GRK7: variants seen among roughly 807,000 people sequenced by gnomAD.
The protein encoded by GRK7 is rhodopsin kinase GRK7.
GRK7 carries 24 observed loss-of-function variants against 34.1 expected under a neutral mutation model. The ratio of observed to expected loss-of-function variants is 0.70; its 90% CI spans 0.51 to 0.99. GRK7 has a LOEUF of 0.99. Ranked by LOEUF, GRK7 falls within the 50% of genes least tolerant of loss-of-function variation. The pLI, the probability that GRK7 is intolerant of heterozygous loss-of-function variation, is 0.00. For missense variants in GRK7, 644 were observed against 707.3 expected (o/e 0.91, Z 1.02); for synonymous variants, 256 against 279.4 (o/e 0.92, Z 0.84).
chr3:141,791,168 C>T (rs1460825732), intron 4 of GRK7, among the ~76,000 whole-genome samples: 3 of 152,186 alleles, frequency 2.0e-5, no homozygotes, highest in African/African-American at 4.8e-5. Context: ...CTTGAAGTCT[C>T]TGACCAACTC....
Position 141,780,782 on chromosome 3 carries a change from A to T in GRK7, c.1021A>T (p.Met341Leu). 1.2e-6 allele frequency: 2 copies of T among 1,613,972 alleles called. No homozygotes were observed. Among genetic ancestry groups the T allele is most frequent in the Non-Finnish European group, 1.7e-6 (2 of 1,179,942 alleles). The change falls in exon 4 of 6, where the codon ATG becomes TTG. Residue 341 changes from methionine to leucine, a missense_variant. Transcript: ENST00000682958. ...RLSDLGLAVE[M>L]KGGKPITQRA... ...ATCTGACCTGGGGCTGGCCGTGGAG[A>T]TGAAGGGTGGCAAGCCCATCACCCA...
intron 4 of GRK7, among the ~76,000 whole-genome samples, chr3:141,798,063 G>A (rs1335765271): frequency 6.6e-6 from 1 of 152,166 alleles, no homozygotes; most frequent in Non-Finnish European, 1.5e-5. Flanking sequence ...CTGCCAGTTC[G>A]GTTCAGAGTG....
intron 4 of GRK7, among the ~76,000 whole-genome samples, chr3:141,784,013 G>C (rs999710898): frequency 3.3e-5 from 5 of 152,174 alleles, no homozygotes; most frequent in African/African-American, 1.2e-4. Context: ...TGCTGAGCAG[G>C]AGCGTTCCTT....
At chr3:141,814,381 C>G (rs772394706) in intron 5 of GRK7, among the ~76,000 whole-genome samples, 1 of 152,162 alleles carries the variant, frequency 6.6e-6, no homozygotes, top group Non-Finnish European at 1.5e-5. Context: ...GCCACACCCC[C>G]AAAACATCTA....
upstream of GRK7, among the ~76,000 whole-genome samples, chr3:141,762,927 G>T (rs1321241339): frequency 6.6e-6 from 1 of 152,218 alleles, no homozygotes; most frequent in East Asian, 1.9e-4. Flanking sequence ...GACTTGGAAA[G>T]GGAACTCCCT....
intron 4 of GRK7, among the ~76,000 whole-genome samples, chr3:141,785,464 AT>A (rs1468658054): frequency 2.0e-5 from 3 of 151,714 alleles, no homozygotes; most frequent in African/African-American, 4.9e-5. Flanking sequence ...CTTAAAAAAA[AT>A]TTTTTTGTTT....
At position 141,788,321 on chromosome 3, in the gene GRK7, G is replaced by C. The variant is rs530106989; in HGVS notation, c.1050+7510G>C. ...GATTCTGACACTATCTAAAATGAAA[G>C]AGAAAGAGACTAGAGCTGGGGAGAA... On this transcript the variant is annotated intron_variant, in intron 4 of 5. Coordinates refer to ENST00000682958, the MANE Select transcript of GRK7 (RefSeq NM_139209.3). Among the ~76,000 whole-genome samples the C allele has an allele frequency of 9.9e-5, 15 of 152,278 alleles. 1 individual carries two copies. The highest frequency in any genetic ancestry group is 3.6e-4 in the African/African-American group (15 of 41,546).
In GRK7 at chr3:141,799,018, T is replaced by C. The variant is rs527377533; in HGVS notation, c.1051-8627T>C. 3.9e-5 allele frequency among the ~76,000 whole-genome samples: 6 copies of C among 152,342 alleles called. No individual in the cohort carries two copies. The South Asian group carries it at 1.2e-3, about 32-fold the overall frequency. ...AGATGGCAGGCCAATTCTTTACTTA[T>C]TTCCTTGGGGAGGTGGTTGCAGAGC... On this transcript the variant is annotated intron_variant, in intron 4 of 5. Coordinates refer to ENST00000682958, the MANE Select transcript of GRK7 (RefSeq NM_139209.3).
intron 4 of GRK7, among the ~76,000 whole-genome samples, chr3:141,799,351 G>T (rs539509758): frequency 6.6e-6 from 1 of 152,294 alleles, no homozygotes; most frequent in East Asian, 1.9e-4. Context: ...GGTGGGTCAC[G>T]CCTGTAATCC....
intron 4 of GRK7, among the ~76,000 whole-genome samples, chr3:141,791,360 T>G (rs2084723270): frequency 6.7e-6 from 1 of 148,432 alleles, no homozygotes; most frequent in African/African-American, 2.5e-5. Context: ...TGCCCCCCAG[T>G]TTTTTTTTTC....
At chr3:141,805,851 T>C (rs1711030772) in intron 4 of GRK7, among the ~76,000 whole-genome samples, 2 of 152,190 alleles carry the variant, frequency 1.3e-5, no homozygotes, top group South Asian at 4.1e-4. Flanking sequence ...CAGGCTAGAG[T>C]GCTGTGGCTC....
intron 4 of GRK7, among the ~76,000 whole-genome samples, chr3:141,801,915 T>C (rs992970214): frequency 4.6e-5 from 7 of 152,102 alleles, no homozygotes; most frequent in African/African-American, 1.2e-4. Flanking sequence ...AATAGAAGAA[T>C]TGGGGAAAAA....
intron 4 of GRK7, among the ~76,000 whole-genome samples, chr3:141,787,137 T>G (rs1041879553): frequency 1.3e-5 from 2 of 152,180 alleles, no homozygotes; most frequent in Admixed American, 1.3e-4. Context: ...TCCATTTTAT[T>G]AGCCTTGTGA....
At chr3:141,810,633 T>C (rs1186082117) in intron 5 of GRK7, among the ~76,000 whole-genome samples, 1 of 152,086 alleles carries the variant, frequency 6.6e-6, no homozygotes, top group African/African-American at 2.4e-5. Context: ...TCTTCTGCCT[T>C]GGCCTCCCGA....
chr3:141,760,061 G>A (rs1270656814), upstream of GRK7, among the ~76,000 whole-genome samples: 6 of 145,528 alleles, frequency 4.1e-5, no homozygotes, highest in Non-Finnish European at 7.5e-5. Context: ...TTCTTTATTA[G>A]TCTTGCTAGC....
chr3:141,793,877 A>G (rs2677434), intron 4 of GRK7, among the ~76,000 whole-genome samples: 123,298 of 152,130 alleles, frequency 0.81, 50,687 homozygotes, highest in African/African-American at 0.96. Context: ...AACCAGCCAT[A>G]GGGTTTGGAT....
chr3:141,788,567 G>C (rs980287988), intron 4 of GRK7, among the ~76,000 whole-genome samples: 1 of 152,170 alleles, frequency 6.6e-6, no homozygotes, highest in Non-Finnish European at 1.5e-5. Flanking sequence ...GCCCCGTGGG[G>C]TCTTCTGGCA....
chr3:141,804,988 A>G (rs560269850), intron 4 of GRK7, among the ~76,000 whole-genome samples: 2 of 151,346 alleles, frequency 1.3e-5, no homozygotes, highest in East Asian at 3.9e-4. Flanking sequence ...ACCCACTCGC[A>G]CACACACATA....
the GRK7 span, among the ~76,000 whole-genome samples, chr3:141,753,223 G>C: frequency 6.6e-6 from 1 of 152,100 alleles, no homozygotes; most frequent in Non-Finnish European, 1.5e-5. Flanking sequence ...TTTAAAGTTT[G>C]TTCACATATT....
Sources: allele counts gnomAD v4.1 joint callset (sites outside exome capture counted in the v4.1 genomes callset), GRCh38; gene constraint gnomAD v4.1.1; transcripts MANE v1.5; gene names NCBI Gene and HGNC (gene_info 2026-07-23, HGNC 2026-07-21).